Variants in PLEKHA7 observed in about 807,000 individuals in gnomAD.
PLEKHA7 encodes pleckstrin homology domain-containing family A member 7.
A neutral mutation model predicts 170.0 loss-of-function variants in PLEKHA7; 104 were observed. That is an observed-to-expected ratio of 0.61 (90% CI 0.52 to 0.72). PLEKHA7 has a LOEUF of 0.72. Ranked by LOEUF, PLEKHA7 falls within the 30% of genes least tolerant of loss-of-function variation. The probability of loss-of-function intolerance (pLI) is 0.00; values close to 1 mark genes in which losing one functional copy is unlikely to be tolerated. For missense variants in PLEKHA7, 1,615 were observed against 1,671.7 expected (o/e 0.97, Z 0.59); for synonymous variants, 648 against 660.8 (o/e 0.98, Z 0.30).
intron 9 of PLEKHA7, among the ~76,000 whole-genome samples, chr11:16,839,523 G>T (rs1367954700): frequency 6.6e-6 from 1 of 150,718 alleles, no homozygotes; most frequent in African/African-American, 2.4e-5. Flanking sequence ...CTGTATCCAG[G>T]GTTTCATATC....
At chr11:16,782,993 G>A in intron 25 of PLEKHA7, 97 bp from the exon 26 acceptor site, 2 of 1,325,194 alleles carry the variant, frequency 1.5e-6, no homozygotes, top group Non-Finnish European at 2.0e-6. Context: ...TCAACATTTT[G>A]AGGGGGATCA....
chr11:16,897,179 A>T (rs1374474195), intron 3 of PLEKHA7, among the ~76,000 whole-genome samples: 1 of 152,230 alleles, frequency 6.6e-6, no homozygotes, highest in Non-Finnish European at 1.5e-5. Flanking sequence ...AAGTTAAAAA[A>T]AATAGTTAGC....
chr11:16,889,420 A>AAAATATATATAT (rs61086849), intron 3 of PLEKHA7, among the ~76,000 whole-genome samples: 22 of 74,662 alleles, frequency 2.9e-4, no homozygotes, highest in African/African-American at 1.3e-3. Flanking sequence ...AAAAAAAAAA[A>AAAATATATATAT]ATATATATAT....
chr11:16,786,769 C>T, intron 23 of PLEKHA7: 3 of 985,406 alleles, frequency 3.0e-6, no homozygotes, highest in Non-Finnish European at 3.6e-6. Flanking sequence ...AGACATACGT[C>T]CCAGGCTCAG....
intron 3 of PLEKHA7, among the ~76,000 whole-genome samples, chr11:16,901,689 C>T (rs1857348900): frequency 6.6e-6 from 1 of 152,052 alleles, no homozygotes; most frequent in African/African-American, 2.4e-5. Context: ...GACAACATAG[C>T]AAAACCCCAT....
intron 3 of PLEKHA7, among the ~76,000 whole-genome samples, chr11:16,973,780 T>C (rs1249572414): frequency 6.6e-6 from 1 of 151,922 alleles, no homozygotes; most frequent in African/African-American, 2.4e-5. Context: ...CCAACCTGAG[T>C]CTCCCTCTGG....
chr11:16,955,816 C>T (rs570728793), intron 3 of PLEKHA7, among the ~76,000 whole-genome samples: 6 of 152,162 alleles, frequency 3.9e-5, no homozygotes, highest in African/African-American at 1.2e-4. Context: ...GTAAAACCAC[C>T]GAAGGGATCT....
chr11:17,000,461 C>A (rs1864598813), intron 3 of PLEKHA7, among the ~76,000 whole-genome samples: 1 of 152,160 alleles, frequency 6.6e-6, no homozygotes, highest in South Asian at 2.1e-4. Flanking sequence ...GAAATAGTTT[C>A]TTTGACATTT....
rs140173000 is a variant in PLEKHA7 at position 16,999,445 on chromosome 11, CCCA to C, written c.221+14541_221+14543del. Among the ~76,000 whole-genome samples the C allele has an allele frequency of 5.1e-3, 780 of 152,126 alleles. 12 individuals are homozygous for C. Among genetic ancestry groups the C allele is most frequent in the African/African-American group, 0.018 (739 of 41,496 alleles). On this transcript the variant is annotated intron_variant, in intron 3 of 26. Coordinates refer to ENST00000531066, the MANE Select transcript of PLEKHA7 (RefSeq NM_001329630.2). ...TTCAGTGGTCACTCACAAGCTCAGT[CCCA>C]CCATTTCTAACTGGGACTGACAGCA...
intron 9 of PLEKHA7, 151 bp downstream of exon 9, chr11:16,841,396 T>G: frequency 5.0e-6 from 4 of 803,884 alleles, no homozygotes; most frequent in Non-Finnish European, 7.4e-6. Context: ...TTCCAGGCCT[T>G]AGTGTTTTTG....
At chr11:16,956,845 G>A (rs1437226869) in intron 3 of PLEKHA7, among the ~76,000 whole-genome samples, 1 of 152,186 alleles carries the variant, frequency 6.6e-6, no homozygotes, top group African/African-American at 2.4e-5. Context: ...GCAAGGACTG[G>A]CCAGCCCTGT....
chr11:16,802,011 A>T (rs1370599870), intron 15 of PLEKHA7, among the ~76,000 whole-genome samples, 194 bp from the exon 16 acceptor site: 1 of 152,162 alleles, frequency 6.6e-6, no homozygotes. Flanking sequence ...AGTACCTAAC[A>T]GCTCTGTGCC....
At chr11:16,992,468 A>G (rs142216969) in intron 3 of PLEKHA7, among the ~76,000 whole-genome samples, 2 of 152,320 alleles carry the variant, frequency 1.3e-5, no homozygotes, top group East Asian at 3.9e-4. Context: ...AAATGAATCA[A>G]TATGGGCTGG....
chr11:16,997,837 T>C (rs1221928688), intron 3 of PLEKHA7, among the ~76,000 whole-genome samples: 2 of 152,208 alleles, frequency 1.3e-5, no homozygotes, highest in Non-Finnish European at 2.9e-5. Flanking sequence ...TCCCTCACCA[T>C]GCCCATGGAC....
intron 3 of PLEKHA7, among the ~76,000 whole-genome samples, chr11:16,950,470 C>T (rs1209546362): frequency 6.6e-6 from 1 of 151,496 alleles, no homozygotes; most frequent in Non-Finnish European, 1.5e-5. Flanking sequence ...ATGTATGTCC[C>T]TACTTCCTCT....
Position 16,857,517 on chromosome 11 carries a change from G to A in PLEKHA7, c.306-1603C>T, listed in dbSNP as rs371102992. On this transcript the variant is annotated intron_variant, in intron 4 of 26. Transcript: ENST00000531066. ...GGAGCAGGAAGAGGCTCCAAGAGGC[G>A]GCCTTGTCCATCCCCTTTCTCCAGA... 1.1e-4 allele frequency among the ~76,000 whole-genome samples: 16 copies of A among 152,198 alleles called. 1 individual carries two copies. Among genetic ancestry groups the A allele is most frequent in the Non-Finnish European group, 4.4e-5 (3 of 68,032 alleles).
At chr11:16,798,719 A>G (rs1848400151) in intron 17 of PLEKHA7, among the ~76,000 whole-genome samples, 1 of 152,238 alleles carries the variant, frequency 6.6e-6, no homozygotes, top group Non-Finnish European at 1.5e-5. Context: ...AAACAGGTGC[A>G]GCCCTTTAGA....
At chr11:16,798,948 A>G (rs1848413809) in intron 17 of PLEKHA7, among the ~76,000 whole-genome samples, 1 of 152,228 alleles carries the variant, frequency 6.6e-6, no homozygotes, top group African/African-American at 2.4e-5. Context: ...CACCCAGACT[A>G]TGAAATAGTA....
intron 8 of PLEKHA7, among the ~76,000 whole-genome samples, chr11:16,847,383 C>T (rs888525505): frequency 5.9e-5 from 9 of 152,074 alleles, no homozygotes; most frequent in East Asian, 1.9e-4. Flanking sequence ...TGAGCCACCA[C>T]GCCCGGCCAA....
Sources: gnomAD v4.1 joint callset for allele counts (sites outside exome capture counted in the v4.1 genomes callset) on GRCh38, gnomAD v4.1.1 for gene constraint, MANE v1.5 for transcripts, NCBI Gene and HGNC (gene_info 2026-07-23, HGNC 2026-07-21) for gene names.